The following DHX40 variants were observed in gnomAD, a reference collection of about 807,000 sequenced individuals.
The protein encoded by DHX40 is DEAH-box helicase 40.
Under a neutral mutation model 89.6 loss-of-function variants are expected in DHX40, and 28 were observed. The observed-to-expected ratio is 0.31, with a 90% CI of 0.23 to 0.43. The LOEUF is 0.43. Among genes scored for constraint, DHX40 ranks in the 20% least tolerant of loss-of-function variants. The pLI, the probability that DHX40 is intolerant of heterozygous loss-of-function variation, is 1.00. For synonymous variants in DHX40, 226 were observed against 283.6 expected, an observed-to-expected ratio of 0.80 and a Z score of 2.04; for missense variants, 457 against 844.0, an observed-to-expected ratio of 0.54 and a Z score of 5.68.
At chr17:59,591,622 A>G (rs2049083697) in intron 12 of DHX40, among the ~76,000 whole-genome samples, 1 of 151,230 alleles carries the variant, frequency 6.6e-6, no homozygotes, top group African/African-American at 2.4e-5. Context: ...ATTTCAAATA[A>G]GAATAGCAAA....
chr17:59,569,383 T>C (rs2048756001), intron 2 of DHX40, among the ~76,000 whole-genome samples: 1 of 150,882 alleles, frequency 6.6e-6, no homozygotes, highest in South Asian at 2.1e-4. Context: ...GTTTTACTCT[T>C]GTGGCAAAAG....
At chr17:59,583,609 G>A (rs1412780050) in intron 10 of DHX40, among the ~76,000 whole-genome samples, 10 of 142,494 alleles carry the variant, frequency 7.0e-5, no homozygotes, top group African/African-American at 1.7e-4. Context: ...GGCCGGGTGC[G>A]GTGGCTCACG....
At position 59,608,276 on chromosome 17, in the gene DHX40, A is replaced by G. The variant is rs1178499390; in HGVS notation, c.*1104A>G. 6.5e-6 allele frequency: 1 copy of G among 152,792 alleles called. No homozygotes were observed. Among genetic ancestry groups the G allele is most frequent in the South Asian group, 2.1e-4 (1 of 4,830 alleles). 9.5% of individuals were successfully genotyped at this position (152,792 alleles called of 1,614,324 possible). ...TCTTTGTATCTTTCATGCACCTAGC[A>G]TAGTGCTTTGCACATAGTAGTCACT... On this transcript the variant is annotated 3_prime_UTR_variant, in exon 18 of 18. Coordinates refer to ENST00000251241, the MANE Select transcript of DHX40 (RefSeq NM_024612.5).
chr17:59,594,892 G>A (rs2029924054), intron 12 of DHX40, among the ~76,000 whole-genome samples: 1 of 151,426 alleles, frequency 6.6e-6, no homozygotes, highest in Non-Finnish European at 1.5e-5. Flanking sequence ...CATAGATTAG[G>A]CTTGTCTTAA....
chr17:59,598,222 A>G (rs1263695258), intron 12 of DHX40, among the ~76,000 whole-genome samples: 1 of 152,146 alleles, frequency 6.6e-6, no homozygotes, highest in Non-Finnish European at 1.5e-5. Context: ...TGGAGTTGTT[A>G]TTAAATAAAC....
chr17:59,602,682 ATTTAAT>A lies in DHX40; in HGVS notation c.1901+67_1901+72del, dbSNP rs1333868901. 8.7e-6 allele frequency: 11 copies of A among 1,269,510 alleles called. No individual in the cohort carries two copies. The East Asian group carries it at 2.6e-4, about 30-fold the overall frequency. The allele number at this position is 1,269,510 out of a possible 1,614,324, so 78.6% of individuals were successfully genotyped here. ...CTGTATTTGACTATAATATTGGACT[ATTTAAT>A]ATTAAACATTGAAGATTTGATTTAA... On this transcript the variant is annotated intron_variant, in intron 15 of 17. Transcript: ENST00000251241.
chr17:59,594,690 C>T (rs1245758825), intron 12 of DHX40, among the ~76,000 whole-genome samples: 1 of 151,910 alleles, frequency 6.6e-6, no homozygotes, highest in African/African-American at 2.4e-5. Flanking sequence ...TCTTCTGCAA[C>T]ACAGAGCTGT....
At chr17:59,577,221 A>T (rs780185157) in intron 7 of DHX40, 45 bp from the exon 8 acceptor site, 1 of 1,441,892 alleles carries the variant, frequency 6.9e-7, no homozygotes, top group African/African-American at 1.4e-5. Flanking sequence ...CGAGTTTGAC[A>T]CATGCATGTT....
rs763989035 is a variant in DHX40 at position 59,573,103 on chromosome 17, G to C, written c.427-13G>C. On this transcript the variant is annotated splice_polypyrimidine_tract_variant and intron_variant, in intron 3 of 17. Transcript: ENST00000251241. The stretch of plus-strand genomic sequence containing the variant: ...AGTGGTGAATTCCTGTGACACTGCT[G>C]TTTGAACATTAGGAGACAGCAATCA... The C allele has an allele frequency of 2.2e-5, 35 of 1,600,010 alleles. No individual in the cohort carries two copies. In the South Asian group the frequency reaches 3.6e-4, roughly 17 times the overall value.
chr17:59,566,296 A>G (rs553194049), intron 1 of DHX40, among the ~76,000 whole-genome samples: 42 of 152,310 alleles, frequency 2.8e-4, no homozygotes, highest in African/African-American at 9.4e-4. Flanking sequence ...TTTTTGGTCT[A>G]TTGTTAAATA....
At chr17:59,592,525 T>G (rs889008253) in intron 12 of DHX40, among the ~76,000 whole-genome samples, 2 of 150,162 alleles carry the variant, frequency 1.3e-5, no homozygotes, top group Non-Finnish European at 3.0e-5. Flanking sequence ...GGTTAAACAC[T>G]TTTCTTATTT....
chr17:59,574,891 G>A (rs1243439804), intron 6 of DHX40, among the ~76,000 whole-genome samples: 11 of 152,282 alleles, frequency 7.2e-5, no homozygotes, highest in Non-Finnish European at 1.5e-5. Flanking sequence ...TTTTCAAATA[G>A]CAGCACCCTC....
At chr17:59,586,680 GA>G (rs916665427) in intron 11 of DHX40, among the ~76,000 whole-genome samples, 6 of 151,234 alleles carry the variant, frequency 4.0e-5, no homozygotes, top group Non-Finnish European at 7.4e-5. Flanking sequence ...AAAAAAAAAG[GA>G]GAAAGAAACT....
Position 59,605,115 on chromosome 17 carries a change from A to C in DHX40, c.1902A>C (p.Arg634Ser). Reference protein sequence around the residue: ...CAGYFKNVARRSVGRTFCTMD... With the variant: ...CAGYFKNVARSSVGRTFCTMD... ...TATCATTTTGTTTTTCTGTTTATAG[A>C]TCTGTTGGGAGAACGTTTTGCACAA... is the stretch of plus-strand genomic sequence containing the variant. The change falls in exon 16 of 18, where the codon AGA (arginine) becomes AGC (serine). Residue 634 changes from arginine (R) to serine (S), a missense_variant and splice_region_variant. Around this residue, in one of 9 missense-constraint regions of DHX40, gnomAD observed 32 missense variants for 60.0 expected, o/e 0.53. Coordinates refer to ENST00000251241, the MANE Select transcript of DHX40 (RefSeq NM_024612.5). 1 of 1,613,932 alleles carries C rather than the reference A, an allele frequency of 6.2e-7. No individual in the cohort carries two copies. The highest frequency in any genetic ancestry group is 1.1e-5 in the South Asian group (1 of 91,058).
Position 59,576,922 on chromosome 17 carries a change from T to C in DHX40, c.974-344T>C. On this transcript the variant is annotated intron_variant, in intron 7 of 17. Transcript: ENST00000251241. Reference sequence around the variant, plus strand: ...TCTCGCTCTGTCGCCCAGGCTGGAGTGCAGTGGCGCGATCTTGGCTCACTG... The same window carrying C: ...TCTCGCTCTGTCGCCCAGGCTGGAGCGCAGTGGCGCGATCTTGGCTCACTG... The C allele has an allele frequency of 1.2e-5, 3 of 259,836 alleles. No individual in the cohort carries two copies. In the South Asian group the frequency reaches 1.2e-4, roughly 10 times the overall value. 16.1% of individuals were successfully genotyped at this position (259,836 alleles called of 1,614,324 possible). A position where few individuals can be genotyped will look rare whatever the true frequency, so the allele number is the denominator to read the frequency against.
intron 5 of DHX40, 29 bp from the exon 6 acceptor site, chr17:59,574,159 G>A (rs1474459490): frequency 1.9e-6 from 1 of 522,908 alleles, no homozygotes; most frequent in Non-Finnish European, 3.2e-6. Context: ...ATTTCCACTA[G>A]CATATTATGC....
chr17:59,602,036 A>G (rs1202902870), intron 14 of DHX40, among the ~76,000 whole-genome samples: 1 of 152,190 alleles, frequency 6.6e-6, no homozygotes, highest in Non-Finnish European at 1.5e-5. Flanking sequence ...TAGTTTCCTC[A>G]CATTCATGTG....
chr17:59,599,161 A>T (rs954160163), intron 13 of DHX40, among the ~76,000 whole-genome samples: 2 of 151,630 alleles, frequency 1.3e-5, no homozygotes, highest in African/African-American at 4.8e-5. Context: ...AAAGAAATCC[A>T]TTTACAAATT....
At position 59,570,659 on chromosome 17, in the gene DHX40, C is replaced by T; in HGVS notation, c.422C>T (p.Ser141Phe). The T allele has an allele frequency of 1.9e-6, 3 of 1,606,168 alleles. No homozygotes were observed. Among genetic ancestry groups the T allele is most frequent in the Non-Finnish European group, 2.6e-6 (3 of 1,176,304 alleles). Residue 141 changes from serine (S) to phenylalanine (F), a missense_variant, in exon 3 of 18, where the codon TCT (serine) becomes TTT (phenylalanine). Around this residue, in one of 9 missense-constraint regions of DHX40, gnomAD observed 61 missense variants for 100.4 expected, o/e 0.61. Transcript: ENST00000251241. ...CAAGTTCGTTTTGATGATTGCAGTT[C>T]TAAGGTACAAAAGTCTTGTTGGTAT... Reference protein sequence around the residue: ...GYQVRFDDCSSKETAIKYMTD... With the variant: ...GYQVRFDDCSFKETAIKYMTD...
Sources: gnomAD v4.1 joint callset for allele counts (sites outside exome capture counted in the v4.1 genomes callset) on GRCh38, gnomAD v4.1.1 for gene constraint, gnomAD v4.1.1 regional missense constraint, MANE v1.5 for transcripts, NCBI Gene and HGNC (gene_info 2026-07-23, HGNC 2026-07-21) for gene names.